Variants in VPS13A observed in about 807,000 individuals in gnomAD.
VPS13A encodes vacuolar protein sorting 13 homolog A, also known as intermembrane lipid transfer protein VPS13A.
VPS13A carries 264 observed loss-of-function variants against 390.9 expected under a neutral mutation model. The ratio of observed to expected loss-of-function variants is 0.68; its 90% CI spans 0.61 to 0.75. The LOEUF is 0.75. VPS13A is among the 30% of genes least tolerant of loss of function. The pLI, the probability that VPS13A is intolerant of heterozygous loss-of-function variation, is 0.00. For synonymous variants in VPS13A, 1,231 were observed against 1,227.1 expected, an observed-to-expected ratio of 1.00 and a Z score of -0.07; for missense variants, 3,409 against 3,733.9, an observed-to-expected ratio of 0.91 and a Z score of 2.27.
chr9:77,253,913 T>C (rs1029586426), intron 22 of VPS13A, among the ~76,000 whole-genome samples: 3 of 150,894 alleles, frequency 2.0e-5, no homozygotes, highest in African/African-American at 7.3e-5. Context: ...ATGTGACATA[T>C]AGGATAAGGA....
At chr9:77,211,963 T>G (rs1825997310) in intron 7 of VPS13A, among the ~76,000 whole-genome samples, 1 of 152,146 alleles carries the variant, frequency 6.6e-6, no homozygotes, top group African/African-American at 2.4e-5. Flanking sequence ...TATTGTGAAC[T>G]GCGCATCTCA....
At chr9:77,188,505 C>G (rs1246814221) in intron 1 of VPS13A, among the ~76,000 whole-genome samples, 1 of 152,142 alleles carries the variant, frequency 6.6e-6, no homozygotes, top group Non-Finnish European at 1.5e-5. Context: ...TTTTCTTTAT[C>G]CAGTCCACTG....
chr9:77,403,131 G>A, intron 68 of VPS13A, 105 bp from the exon 69 acceptor site: 1 of 758,074 alleles, frequency 1.3e-6, no homozygotes, highest in South Asian at 1.5e-5. Context: ...TATGTTAATG[G>A]TTTGCCCCAT....
intron 40 of VPS13A, among the ~76,000 whole-genome samples, 200 bp from the exon 41 acceptor site, chr9:77,318,035 T>C (rs1829508829): frequency 6.6e-6 from 1 of 151,968 alleles, no homozygotes; most frequent in African/African-American, 2.4e-5. Context: ...AAGATTCATG[T>C]AAATATCTGC....
At chr9:77,284,883 T>A (rs939228084) in intron 31 of VPS13A, among the ~76,000 whole-genome samples, 2 of 151,932 alleles carry the variant, frequency 1.3e-5, no homozygotes, top group African/African-American at 2.4e-5. Context: ...TTTATATTTT[T>A]AGTAGAGACA....
At chr9:77,329,285 C>G (rs1830165203) in intron 45 of VPS13A, among the ~76,000 whole-genome samples, 1 of 152,156 alleles carries the variant, frequency 6.6e-6, no homozygotes, top group African/African-American at 2.4e-5. Flanking sequence ...TAATTTTATT[C>G]AAAAACTTTT....
chr9:77,194,315 A>T (rs1824859519), intron 1 of VPS13A, among the ~76,000 whole-genome samples: 1 of 150,220 alleles, frequency 6.7e-6, no homozygotes, highest in South Asian at 2.1e-4. Flanking sequence ...TTGCAATTGG[A>T]TGTGGCCAGG....
In VPS13A at chr9:77,318,145, A is replaced by G. The variant is rs1829516596; in HGVS notation, c.4957-90A>G. On this transcript the variant is annotated intron_variant, in intron 40 of 71. Transcript: ENST00000360280. ...TTTGTGGTAGTAATGTTAATTCAGTATTTAATTTCTCATAATATATATTTA... is the reference window on the plus strand; with the variant it reads ...TTTGTGGTAGTAATGTTAATTCAGTGTTTAATTTCTCATAATATATATTTA... 5.6e-6 allele frequency: 4 copies of G among 712,760 alleles called. No individual in the cohort carries two copies. The African/African-American group carries it at 7.3e-5, about 13-fold the overall frequency. The allele number at this position is 712,760 out of a possible 1,614,324, so 44.2% of individuals were successfully genotyped here.
intron 71 of VPS13A, among the ~76,000 whole-genome samples, chr9:77,411,764 G>A (rs1239867909): frequency 1.3e-5 from 2 of 150,508 alleles, no homozygotes; most frequent in Non-Finnish European, 3.0e-5. Flanking sequence ...CAGAACTGAA[G>A]GAAATAGACA....
intron 23 of VPS13A, among the ~76,000 whole-genome samples, chr9:77,264,189 T>C (rs1825906387): frequency 6.6e-6 from 1 of 152,198 alleles, no homozygotes; most frequent in Non-Finnish European, 1.5e-5. Context: ...GCTGTTTTGG[T>C]TACCGTAGGC....
chr9:77,203,579 C>T (rs1244791069), intron 3 of VPS13A, among the ~76,000 whole-genome samples: 2 of 152,046 alleles, frequency 1.3e-5, no homozygotes, highest in Non-Finnish European at 2.9e-5. Context: ...TGAGCCACTG[C>T]GCCTGGTCAA....
Position 77,399,200 on chromosome 9 carries a change from AAAAAAC to A in VPS13A, c.9190-4032_9190-4027del, listed in dbSNP as rs1563990921. On this transcript the variant is annotated intron_variant, in intron 68 of 71. Coordinates refer to ENST00000360280, the MANE Select transcript of VPS13A (RefSeq NM_033305.3). ...AAAAAATAAAAAAAAAAAAAAAAAA[AAAAAAC>A]AAAGGATACGGTTGATTACGTTTCA... Among the ~76,000 whole-genome samples the A allele has an allele frequency of 3.9e-3, 365 of 93,666 alleles. 1 individual carries two copies. Among genetic ancestry groups the A allele is most frequent in the Middle Eastern group, 0.011 (2 of 176 alleles). 61.4% of individuals were successfully genotyped at this position (93,666 alleles called of 152,430 possible).
At chr9:77,345,281 G>A (rs1326949922) in intron 52 of VPS13A, 139 bp downstream of exon 52, 3 of 975,892 alleles carry the variant, frequency 3.1e-6, no homozygotes, top group Non-Finnish European at 4.6e-6. Context: ...ATTAAAAAAT[G>A]TACTTGAAGC....
chr9:77,309,077 C>A lies in VPS13A; in HGVS notation c.4114+979C>A, dbSNP rs112795852. Among the ~76,000 whole-genome samples the A allele has an allele frequency of 2.5e-3, 380 of 152,042 alleles. 1 individual carries two copies. Among genetic ancestry groups the A allele is most frequent in the African/African-American group, 8.6e-3 (357 of 41,472 alleles). The stretch of plus-strand genomic sequence containing the variant: ...TTGAGGTGACAGAAAAGGAAGTAGA[C>A]AAACAAAAAAGAAGCTCTGACATTC... On this transcript the variant is annotated intron_variant, in intron 35 of 71. Coordinates refer to ENST00000360280, the MANE Select transcript of VPS13A (RefSeq NM_033305.3).
chr9:77,204,499 ATATAGTTTATATG>A (rs2131119654), intron 3 of VPS13A, among the ~76,000 whole-genome samples: 1 of 152,298 alleles, frequency 6.6e-6, no homozygotes, highest in South Asian at 2.1e-4. Flanking sequence ...GTTTTCATAT[ATATAGTTTATATG>A]TATGATTATT....
intron 1 of VPS13A, among the ~76,000 whole-genome samples, chr9:77,181,208 A>G (rs978506296): frequency 2.6e-5 from 4 of 151,950 alleles, no homozygotes; most frequent in Non-Finnish European, 4.4e-5. Flanking sequence ...TTTTAAAAAC[A>G]TTGTTTGAAA....
At chr9:77,235,253 G>A (rs1270809444) in intron 17 of VPS13A, among the ~76,000 whole-genome samples, 1 of 152,070 alleles carries the variant, frequency 6.6e-6, no homozygotes, top group African/African-American at 2.4e-5. Context: ...GACAGACTCA[G>A]TTTTTGTTCA....
intron 68 of VPS13A, chr9:77,383,103 TTGTG>T: frequency 3.4e-6 from 3 of 890,082 alleles, no homozygotes; most frequent in African/African-American, 1.8e-5. Flanking sequence ...ATTTTAAATA[TTGTG>T]ATATTTAATG....
intron 31 of VPS13A, among the ~76,000 whole-genome samples, chr9:77,289,784 C>CTTT (rs558593582): frequency 2.1e-5 from 3 of 141,644 alleles, no homozygotes; most frequent in African/African-American, 5.2e-5. Context: ...TTTCTCATTT[C>CTTT]TTTTTTTTTT....
Sources: gnomAD v4.1 joint callset for allele counts (sites outside exome capture counted in the v4.1 genomes callset) on GRCh38, gnomAD v4.1.1 for gene constraint, MANE v1.5 for transcripts, NCBI Gene and HGNC (gene_info 2026-07-23, HGNC 2026-07-21) for gene names.